The following HIBCH variants were observed in gnomAD, a reference collection of about 807,000 sequenced individuals.
HIBCH encodes the protein 3-hydroxyisobutyryl-CoA hydrolase.
A neutral mutation model predicts 58.2 loss-of-function variants in HIBCH; 50 were observed. The observed-to-expected ratio is 0.86, with a 90% CI of 0.68 to 1.09. The LOEUF (loss-of-function observed/expected upper bound fraction) is 1.09. HIBCH is among the 50% of genes least tolerant of loss of function. HIBCH has a pLI of 0.00. For missense variants in HIBCH, 450 were observed against 449.7 expected (o/e 1.00, Z -0.01); for synonymous variants, 151 against 146.9 (o/e 1.03, Z -0.20).
intron 6 of HIBCH, among the ~76,000 whole-genome samples, chr2:190,261,967 C>T (rs1687098093): frequency 6.6e-6 from 1 of 151,994 alleles, no homozygotes; most frequent in African/African-American, 2.4e-5. Flanking sequence ...GGAGACTAAC[C>T]AGAATTCAGA....
chr2:190,291,260 TAA>T (rs1004965852), intron 4 of HIBCH, among the ~76,000 whole-genome samples: 2 of 152,158 alleles, frequency 1.3e-5, no homozygotes. Flanking sequence ...GTGTTGCAGA[TAA>T]TAAAGACAGC....
chr2:190,289,359 C>A (rs72915480), intron 5 of HIBCH, among the ~76,000 whole-genome samples: 6,367 of 151,744 alleles, frequency 0.042, 178 homozygotes, highest in Non-Finnish European at 0.058. Context: ...TTTATTTTTC[C>A]AACTATATGT....
At chr2:190,213,290 T>A in intron 11 of HIBCH, 1 of 529,876 alleles carries the variant, frequency 1.9e-6, no homozygotes, top group Non-Finnish European at 3.4e-6. Flanking sequence ...TCTGTAGCTG[T>A]GACTAATAAA....
intron 2 of HIBCH, among the ~76,000 whole-genome samples, chr2:190,308,741 G>T (rs1291814863): frequency 6.6e-6 from 1 of 152,158 alleles, no homozygotes; most frequent in Non-Finnish European, 1.5e-5. Context: ...TAGGTATTCT[G>T]TTATAAGCAA....
chr2:190,266,577 A>C (rs1015205209), intron 6 of HIBCH, among the ~76,000 whole-genome samples: 3 of 150,244 alleles, frequency 2.0e-5, no homozygotes, highest in African/African-American at 7.4e-5. Context: ...GGAACTACAG[A>C]TGTGCACTGC....
intron 3 of HIBCH, 107 bp downstream of exon 3, chr2:190,296,706 G>A: frequency 9.9e-7 from 1 of 1,014,122 alleles, no homozygotes; most frequent in Non-Finnish European, 1.5e-6. Context: ...TTACTTAGAT[G>A]CATATCCCAG....
At chr2:190,251,605 G>A in intron 8 of HIBCH, 1 of 422,156 alleles carries the variant, frequency 2.4e-6, no homozygotes, top group East Asian at 8.8e-5. Context: ...TTCCAATTAA[G>A]ACTTAAACTC....
rs913799713 is a variant in HIBCH, at chr2:190,254,275, A to G, written c.518-1968T>C. ...CTAATCCAACAGGACTGGTGTCCTT[A>G]TAAGAGGAGGAAGAAACACAGGGAT... On this transcript the variant is annotated intron_variant, in intron 7 of 13. Transcript: ENST00000359678. This position sits in a 1 kb window ranked among gnomAD's most constrained non-coding sequence, Gnocchi z 5.0. Among the ~76,000 whole-genome samples the G allele has an allele frequency of 5.3e-5, 8 of 152,064 alleles. No homozygotes were observed. Among genetic ancestry groups the G allele is most frequent in the Admixed American group, 4.6e-4 (7 of 15,268 alleles).
chr2:190,291,516 G>T (rs57582672), intron 4 of HIBCH, among the ~76,000 whole-genome samples: 3,871 of 152,186 alleles, frequency 0.025, 180 homozygotes, highest in African/African-American at 0.089. Flanking sequence ...AGAAAGAAGA[G>T]TAAAATCAAG....
intron 11 of HIBCH, among the ~76,000 whole-genome samples, chr2:190,231,475 T>C (rs974487443): frequency 2.0e-5 from 3 of 152,118 alleles, no homozygotes; most frequent in East Asian, 1.9e-4. Flanking sequence ...AAAATCCAAC[T>C]CTCATTCAAA....
intron 6 of HIBCH, among the ~76,000 whole-genome samples, chr2:190,276,772 T>C (rs72627905): frequency 0.2 from 31,017 of 152,134 alleles, 3,399 homozygotes; most frequent in East Asian, 0.32. Context: ...TATTCTTCTA[T>C]AGGAACCCAA....
At chr2:190,316,142 CTATT>C (rs10554040) in intron 1 of HIBCH, among the ~76,000 whole-genome samples, 1,558 of 152,052 alleles carry the variant, frequency 0.01, 16 homozygotes, top group Non-Finnish European at 0.016. Context: ...TTTTTGTATT[CTATT>C]TATTTATTTA....
In HIBCH at chr2:190,212,970, T is replaced by C; in HGVS notation, c.997A>G (p.Ser333Gly). 1 of 1,611,600 alleles carries C rather than the reference T, an allele frequency of 6.2e-7. No homozygotes were observed. Among genetic ancestry groups the C allele is most frequent in the Non-Finnish European group, 8.5e-7 (1 of 1,178,676 alleles). Residue 333 changes from serine to glycine, a missense_variant, in exon 12 of 14, where the codon AGT (serine) becomes GGT (glycine). Ser to Gly is a moderately conservative substitution (Grantham distance 56, BLOSUM62 0). Coordinates refer to ENST00000359678, the MANE Select transcript of HIBCH (RefSeq NM_014362.4). Reference protein sequence around the residue: ...QEVLTMEYRLSQACMRGHDFH... With the variant: ...QEVLTMEYRLGQACMRGHDFH... ...TAAATTCTTACCATACAAGCTTGAC[T>C]TAGCCGATACTCCATAGTTAGTACT... is the stretch of plus-strand genomic sequence containing the variant.
chr2:190,283,520 G>C (rs550897736), intron 6 of HIBCH, among the ~76,000 whole-genome samples: 3 of 152,242 alleles, frequency 2.0e-5, no homozygotes, highest in African/African-American at 4.8e-5. Context: ...TCCTTGCTGA[G>C]AATTAAAAAC....
chr2:190,201,963 C>T (rs1690257923), downstream of HIBCH: 1 of 166,938 alleles, frequency 6.0e-6, no homozygotes, highest in African/African-American at 2.4e-5. Context: ...TCATCTGCTG[C>T]TTAAAATGTA....
intron 11 of HIBCH, among the ~76,000 whole-genome samples, chr2:190,240,534 G>T (rs988390395): frequency 6.6e-6 from 1 of 151,824 alleles, no homozygotes; most frequent in African/African-American, 2.4e-5. Flanking sequence ...ACTAGTTTTT[G>T]AATCTGTTTG....
chr2:190,272,647 A>AG (rs1412102386), intron 6 of HIBCH, among the ~76,000 whole-genome samples: 3 of 152,022 alleles, frequency 2.0e-5, no homozygotes, highest in African/African-American at 7.3e-5. Flanking sequence ...GAAATGGCCA[A>AG]GGGAAAAAAA....
chr2:190,270,268 C>CTTTT lies in HIBCH; in HGVS notation c.439-9038_439-9035dup, dbSNP rs33918420. Among the ~76,000 whole-genome samples the CTTTT allele has an allele frequency of 4.3e-3, 614 of 143,434 alleles. 4 individuals carry two copies. The highest frequency in any genetic ancestry group is 5.6e-3 in the Non-Finnish European group (372 of 66,172). 94.1% of individuals were successfully genotyped at this position (143,434 alleles called of 152,430 possible). ...GTAAAAATAAATTTAGTTATTACACCTTTTTTTTTTTTAAAAAAAAAGATA... is the reference window on the plus strand; with the variant it reads ...GTAAAAATAAATTTAGTTATTACACCTTTTTTTTTTTTTTTTAAAAAAAAAGATA... On this transcript the variant is annotated intron_variant, in intron 6 of 13. Transcript: ENST00000359678.
chr2:190,280,942 A>C, intron 6 of HIBCH: 1 of 152,172 alleles, frequency 6.6e-6, no homozygotes. Context: ...TTGGTCTCTC[A>C]CTCTGCCTTA....
Sources: gnomAD v4.1 joint callset for allele counts (sites outside exome capture counted in the v4.1 genomes callset) on GRCh38, gnomAD v4.1.1 for gene constraint, Gnocchi (gnomAD v3.1) non-coding constraint, MANE v1.5 for transcripts, NCBI Gene and HGNC (gene_info 2026-07-23, HGNC 2026-07-21) for gene names.